Variants in ACR observed in about 807,000 individuals in gnomAD.
ACR encodes the protein acrosin.
Under a neutral mutation model 26.0 loss-of-function variants are expected in ACR, and 17 were observed. The ratio of observed to expected loss-of-function variants is 0.65; its 90% CI spans 0.45 to 0.98. ACR has a LOEUF of 0.98. Among genes scored for constraint, ACR ranks in the 50% least tolerant of loss-of-function variants. The pLI is 0.00. For missense variants in ACR, 435 were observed against 519.3 expected, an observed-to-expected ratio of 0.84 and a Z score of 1.58; for synonymous variants, 199 against 207.7, an observed-to-expected ratio of 0.96 and a Z score of 0.36.
rs201146734 is a variant in ACR at position 50,738,272 on chromosome 22, T to G, written c.37T>G (p.Leu13Val). 2.5e-6 allele frequency: 4 copies of G among 1,614,062 alleles called. No homozygotes were observed. In the Admixed American group the frequency reaches 6.7e-5, roughly 27 times the overall value. ...GCTACCAACTGCCATTCTGCTGGTC[T>G]TGGCAGTGTCCGTGGTTGCTAAAGA... Reference protein sequence around the residue: ...EMLPTAILLVLAVSVVAKDNA... With the variant: ...EMLPTAILLVVAVSVVAKDNA... Residue 13 changes from leucine to valine, a missense_variant, in exon 1 of 5, where the codon TTG becomes GTG. By Grantham distance (32) the Leu-to-Val change is conservative. Around this residue, in one of 3 missense-constraint regions of ACR, gnomAD observed 314 missense variants for 372.0 expected, o/e 0.84. Transcript: ENST00000216139.
At chr22:50,741,957 A>G (rs916105496) in intron 3 of ACR, among the ~76,000 whole-genome samples, 2 of 151,682 alleles carry the variant, frequency 1.3e-5, no homozygotes, top group African/African-American at 4.9e-5. Flanking sequence ...CAACATGGTG[A>G]AACCCAATCT....
At position 50,739,301 on chromosome 22, in the gene ACR, C is replaced by T. The variant is rs1261007379; in HGVS notation, c.108C>T (p.Asn36=). ...DGPCGLRFRQ[N]PQGGVRIVGG... is the part of the protein sequence containing the mutation. ...CCTGTGGGTTACGGTTCAGGCAAAA[C>T]CCACAGGGTGGTGTCCGCATCGTCG... is the stretch of plus-strand genomic sequence containing the variant. The change falls in exon 2 of 5, where the codon AAC becomes AAT. Residue 36 remains asparagine (N), a synonymous_variant. Transcript: ENST00000216139. The surrounding 1 kb of genome is among the most constrained non-coding windows in gnomAD (Gnocchi z 5.5). 2 of 1,593,938 alleles carry T rather than the reference C, an allele frequency of 1.3e-6. No homozygotes were observed. Among genetic ancestry groups the T allele is most frequent in the Admixed American group, 1.8e-5 (1 of 56,938 alleles).
At chr22:50,742,027 T>C (rs1391828877) in intron 3 of ACR, among the ~76,000 whole-genome samples, 4 of 152,002 alleles carry the variant, frequency 2.6e-5, no homozygotes, top group Non-Finnish European at 5.9e-5. Context: ...TCCCAGCTAC[T>C]CGGGAGGCTG....
intron 3 of ACR, 198 bp downstream of exon 3, chr22:50,740,175 G>T (rs781703331): frequency 1.3e-6 from 1 of 741,016 alleles, no homozygotes; most frequent in South Asian, 1.5e-5. Flanking sequence ...GCTGTCTACG[G>T]GGGGGCTGAC....
In ACR at chr22:50,739,401, T is replaced by C. The variant is rs561127825; in HGVS notation, c.208T>C (p.Tyr70His). The change falls in exon 2 of 5, where the codon TAC becomes CAC. Residue 70 changes from tyrosine to histidine, a missense_variant. By Grantham distance (83) the Tyr-to-His change is moderately conservative (BLOSUM62 2). Coordinates refer to ENST00000216139, the MANE Select transcript of ACR (RefSeq NM_001097.3). This position sits in a 1 kb window ranked among gnomAD's most constrained non-coding sequence, Gnocchi z 5.5. ...GATCTTCACGTACAACAGCCACAGG[T>C]ACCACACATGTGGAGGCAGCTTGCT... ...LQIFTYNSHR[Y>H]HTCGGSLLNS... 12 of 1,614,200 alleles carry C rather than the reference T, an allele frequency of 7.4e-6. No individual in the cohort carries two copies. The South Asian group carries it at 1.3e-4, about 18-fold the overall frequency.
At position 50,739,239 on chromosome 22, in the gene ACR, C is replaced by T. The variant is rs2146852587; in HGVS notation, c.78-32C>T. The T allele has an allele frequency of 6.5e-7, 1 of 1,536,332 alleles. No individual in the cohort carries two copies. Among genetic ancestry groups the T allele is most frequent in the Middle Eastern group, 2.1e-4 (1 of 4,818 alleles). On this transcript the variant is annotated intron_variant, in intron 1 of 4. Coordinates refer to ENST00000216139, the MANE Select transcript of ACR (RefSeq NM_001097.3). This position sits in a 1 kb window ranked among gnomAD's most constrained non-coding sequence, Gnocchi z 5.5. ...TTACAAGGACAGGCTGTGCTCATGCCAGGTTTGAACTGTGCTCTGGTCTCT... is the reference window on the plus strand; with the variant it reads ...TTACAAGGACAGGCTGTGCTCATGCTAGGTTTGAACTGTGCTCTGGTCTCT...
chr22:50,738,328 C>G lies in ACR; in HGVS notation c.77+16C>G, dbSNP rs1275399037. 3 of 1,612,920 alleles carry G rather than the reference C, an allele frequency of 1.9e-6. No individual in the cohort carries two copies. In the African/African-American group the frequency reaches 4.0e-5, roughly 22 times the overall value. The stretch of plus-strand genomic sequence containing the variant: ...CCACGTGTGAGTAAGTGTCGGGGCA[C>G]CTTGGTGGGGGAAGGATCTTCTGAG... On this transcript the variant is annotated intron_variant, in intron 1 of 4. Coordinates refer to ENST00000216139, the MANE Select transcript of ACR (RefSeq NM_001097.3).
intron 3 of ACR, among the ~76,000 whole-genome samples, chr22:50,742,575 G>T (rs1399208659): frequency 6.6e-6 from 1 of 150,970 alleles, no homozygotes. Context: ...CGTCTTAATG[G>T]CTAATAAGCC....
rs200217266 is a variant in ACR at position 50,739,649 on chromosome 22, C to G, written c.282-45C>G. Reference sequence around the variant, plus strand: ...GGCCCTGAGGGTCGCTGTCACCAGGCTTTTGTCCAGCCGGTTGTGACCTGG... The same window carrying G: ...GGCCCTGAGGGTCGCTGTCACCAGGGTTTTGTCCAGCCGGTTGTGACCTGG... On this transcript the variant is annotated intron_variant, in intron 2 of 4. Transcript: ENST00000216139. The surrounding 1 kb of genome is among the most constrained non-coding windows in gnomAD (Gnocchi z 5.5). The G allele has an allele frequency of 5.5e-4, 853 of 1,540,380 alleles. 1 individual carries two copies. The highest frequency in any genetic ancestry group is 1.2e-3 in the Admixed American group (61 of 50,662).
rs371232787 is a variant in ACR, at chr22:50,744,094, G to C, written c.599G>C (p.Arg200Pro). The C allele has an allele frequency of 1.7e-5, 28 of 1,613,764 alleles. No homozygotes were observed. In the African/African-American group the frequency reaches 2.9e-4, roughly 17 times the overall value. Reference sequence around the variant, plus strand: ...CCATCATCTATACTGATGGAGGCACGTGTGGATCTCATCGACCTGGACTTG... The same window carrying C: ...CCATCATCTATACTGATGGAGGCACCTGTGGATCTCATCGACCTGGACTTG... Reference protein sequence around the residue: ...PRPSSILMEARVDLIDLDLCN... With the variant: ...PRPSSILMEAPVDLIDLDLCN... The change falls in exon 4 of 5, where the codon CGT (arginine) becomes CCT (proline). Residue 200 changes from arginine (R) to proline (P), a missense_variant. Arg to Pro is a moderately radical substitution (Grantham distance 103). Coordinates refer to ENST00000216139, the MANE Select transcript of ACR (RefSeq NM_001097.3).
Position 50,744,117 on chromosome 22 carries a change from T to C in ACR, c.622T>C (p.Leu208=), listed in dbSNP as rs1372883038. The C allele has an allele frequency of 6.2e-7, 1 of 1,608,342 alleles. No individual in the cohort carries two copies. The highest frequency in any genetic ancestry group is 8.5e-7 in the Non-Finnish European group (1 of 1,177,634). ...EARVDLIDLD[L]CNSTQWYNGR... Reference sequence around the variant, plus strand: ...ACGTGTGGATCTCATCGACCTGGACTTGTGTAACTCGACCCAGTGGTACAA... The same window carrying C: ...ACGTGTGGATCTCATCGACCTGGACCTGTGTAACTCGACCCAGTGGTACAA... The change falls in exon 4 of 5, where the codon TTG becomes CTG. Residue 208 remains leucine, a synonymous_variant. Coordinates refer to ENST00000216139, the MANE Select transcript of ACR (RefSeq NM_001097.3).
Position 50,744,174 on chromosome 22 carries a change from G to A in ACR, c.679G>A (p.Gly227Arg). The change falls in exon 4 of 5, where the codon GGG becomes AGG. Residue 227 changes from glycine to arginine, a missense_variant. Transcript: ENST00000216139. The stretch of plus-strand genomic sequence containing the variant: ...CGTTCAGCCAACCAATGTGTGCGCG[G>A]GGTATCCTGTAGGCAAGATCGACAC... ...GRVQPTNVCA[G>R]YPVGKIDTCQ... 6.2e-7 allele frequency: 1 copy of A among 1,613,792 alleles called. No individual in the cohort carries two copies. The highest frequency in any genetic ancestry group is 8.5e-7 in the Non-Finnish European group (1 of 1,179,818).
chr22:50,739,566 G>C lies in ACR; in HGVS notation c.281+92G>C. ...GGATGCTGTGCAGCGTCTCCCTGGG[G>C]CTCTGGGCCAAGTGGCTGCAAGACT... On this transcript the variant is annotated intron_variant, in intron 2 of 4. Transcript: ENST00000216139. This position sits in a 1 kb window ranked among gnomAD's most constrained non-coding sequence, Gnocchi z 5.5. The C allele has an allele frequency of 6.3e-7, 1 of 1,579,176 alleles. No individual in the cohort carries two copies. Among genetic ancestry groups the C allele is most frequent in the Non-Finnish European group, 8.6e-7 (1 of 1,157,064 alleles).
In ACR at chr22:50,740,562, G is replaced by A. The variant is rs375955669; in HGVS notation, c.565+585G>A. On this transcript the variant is annotated intron_variant, in intron 3 of 4. Coordinates refer to ENST00000216139, the MANE Select transcript of ACR (RefSeq NM_001097.3). ...TACTTGACATTTGCTCTGTAGACTGGGAAGGGGACCGGTGGTTGGTGTGGC... is the reference window on the plus strand; with the variant it reads ...TACTTGACATTTGCTCTGTAGACTGAGAAGGGGACCGGTGGTTGGTGTGGC... 3.3e-4 allele frequency: 234 copies of A among 702,106 alleles called. 1 individual carries two copies. In the African/African-American group the frequency reaches 3.7e-3, roughly 11 times the overall value. The allele number at this position is 702,106 out of a possible 1,614,324, so 43.5% of individuals were successfully genotyped here.
intron 3 of ACR, chr22:50,740,772 T>C (rs1474040419): frequency 1.4e-6 from 1 of 701,392 alleles, no homozygotes; most frequent in Non-Finnish European, 2.6e-6. Flanking sequence ...CGACACCAGA[T>C]GAGTTCTAGA....
chr22:50,739,354 G>C lies in ACR; in HGVS notation c.161G>C (p.Trp54Ser). 1 of 1,613,056 alleles carries C rather than the reference G, an allele frequency of 6.2e-7. No homozygotes were observed. The highest frequency in any genetic ancestry group is 8.5e-7 in the Non-Finnish European group (1 of 1,179,596). The change falls in exon 2 of 5, where the codon TGG (tryptophan) becomes TCG (serine). Residue 54 changes from tryptophan (W) to serine (S), a missense_variant. Trp to Ser is a radical substitution (Grantham distance 177). Around this residue, in one of 3 missense-constraint regions of ACR, gnomAD observed 314 missense variants for 372.0 expected, o/e 0.84. Coordinates refer to ENST00000216139, the MANE Select transcript of ACR (RefSeq NM_001097.3). The surrounding 1 kb of genome is among the most constrained non-coding windows in gnomAD (Gnocchi z 5.5). Reference protein sequence around the residue: ...VGGKAAQHGAWPWMVSLQIFT... With the variant: ...VGGKAAQHGASPWMVSLQIFT... The stretch of plus-strand genomic sequence containing the variant: ...GGGAAGGCTGCACAGCATGGGGCCT[G>C]GCCCTGGATGGTCAGCCTCCAGATC...
At chr22:50,740,074 C>T (rs751744867) in intron 3 of ACR, 97 bp downstream of exon 3, 58 of 1,495,086 alleles carry the variant, frequency 3.9e-5, no homozygotes, top group Non-Finnish European at 5.1e-5. Flanking sequence ...AGCCAGGCTG[C>T]TTTCATCCTC....
rs563101047 is a variant in ACR at position 50,742,434 on chromosome 22, C to T, written c.566-1627C>T. On this transcript the variant is annotated intron_variant, in intron 3 of 4. Coordinates refer to ENST00000216139, the MANE Select transcript of ACR (RefSeq NM_001097.3). ...TGGCGGGCGCCTGTAGTCCCAGCTA[C>T]TCGGGAGGCTGAGGCAGGAGAATGG... Among the ~76,000 whole-genome samples the T allele has an allele frequency of 1.3e-4, 20 of 151,536 alleles. No individual in the cohort carries two copies. In the East Asian group the frequency reaches 3.9e-3, roughly 30 times the overall value.
At chr22:50,741,891 T>C (rs1471751913) in intron 3 of ACR, among the ~76,000 whole-genome samples, 1 of 151,538 alleles carries the variant, frequency 6.6e-6, no homozygotes, top group South Asian at 2.1e-4. Context: ...ACCCAGCACT[T>C]TGGGAGGCCG....
Sources: gnomAD v4.1 joint callset for allele counts (sites outside exome capture counted in the v4.1 genomes callset) on GRCh38, gnomAD v4.1.1 for gene constraint, gnomAD v4.1.1 regional missense constraint, Gnocchi (gnomAD v3.1) non-coding constraint, MANE v1.5 for transcripts, NCBI Gene and HGNC (gene_info 2026-07-23, HGNC 2026-07-21) for gene names.